The following KLF13 variants were observed in gnomAD, a reference collection of about 807,000 sequenced individuals.
The protein encoded by KLF13 is Krueppel-like factor 13.
A neutral mutation model predicts 16.7 loss-of-function variants in KLF13; 8 were observed. That is an observed-to-expected ratio of 0.48 (90% CI 0.28 to 0.87). KLF13 has a LOEUF of 0.87. Ranked by LOEUF, KLF13 falls within the 40% of genes least tolerant of loss-of-function variation. The pLI is 0.10. For missense variants in KLF13, 447 were observed against 452.2 expected, an observed-to-expected ratio of 0.99 and a Z score of 0.10; for synonymous variants, 245 against 208.4, an observed-to-expected ratio of 1.18 and a Z score of -1.51.
downstream of KLF13, among the ~76,000 whole-genome samples, chr15:31,405,212 G>A (rs1361216107): frequency 1.3e-5 from 2 of 152,188 alleles, no homozygotes; most frequent in East Asian, 3.8e-4. Flanking sequence ...TACTCTGGAG[G>A]CTGAGGCAGG....
chr15:31,387,265 T>C (rs1406189380), intron 1 of KLF13, among the ~76,000 whole-genome samples: 1 of 152,154 alleles, frequency 6.6e-6, no homozygotes, highest in African/African-American at 2.4e-5. Context: ...ATTGTTGTCT[T>C]ATTTGAAGAA....
chr15:31,344,534 G>A (rs1267269988), intron 1 of KLF13, among the ~76,000 whole-genome samples: 2 of 152,226 alleles, frequency 1.3e-5, no homozygotes, highest in South Asian at 2.1e-4. Context: ...GGCCCATGGC[G>A]AAAGGGTTCA....
chr15:31,415,408 A>G (rs1343025490), intron 1 of KLF13, among the ~76,000 whole-genome samples: 1 of 152,222 alleles, frequency 6.6e-6, no homozygotes, highest in East Asian at 1.9e-4. Context: ...ACCTCAATAA[A>G]TTTAACAGAA....
chr15:31,390,416 T>C (rs997848122), upstream of KLF13, among the ~76,000 whole-genome samples: 20 of 152,204 alleles, frequency 1.3e-4, no homozygotes, highest in African/African-American at 4.1e-4. Context: ...TTTGGCCTAG[T>C]ATAGAAAACA....
intron 1 of KLF13, among the ~76,000 whole-genome samples, chr15:31,414,344 A>G (rs2040231404): frequency 6.6e-6 from 1 of 152,202 alleles, no homozygotes; most frequent in South Asian, 2.1e-4. Context: ...GTAAGACAAA[A>G]ATAAAATAGA....
At chr15:31,405,360 C>T (rs189756777), downstream of KLF13, among the ~76,000 whole-genome samples, 1 of 152,348 alleles carries the variant, frequency 6.6e-6, no homozygotes, top group Admixed American at 6.5e-5. Context: ...AGAACCCCCT[C>T]TCCTCTTCTG....
In KLF13 at chr15:31,352,365, C is replaced by T. The variant is rs140779940; in HGVS notation, c.578-19645C>T. Among the ~76,000 whole-genome samples the T allele has an allele frequency of 2.6e-3, 393 of 152,360 alleles. 3 individuals are homozygous for T. Among genetic ancestry groups the T allele is most frequent in the African/African-American group, 8.8e-3 (364 of 41,592 alleles). On this transcript the variant is annotated intron_variant, in intron 1 of 1. Transcript: ENST00000307145. ...AGTCCCAGTGTCTGCCCTACAGGCT[C>T]CCTTGGTCCCGCTCAGAATGCACAG...
intron 1 of KLF13, among the ~76,000 whole-genome samples, chr15:31,328,860 ACACT>A (rs2038773419): frequency 6.6e-6 from 1 of 152,176 alleles, no homozygotes; most frequent in Admixed American, 6.5e-5. Context: ...TTCTTCTGTG[ACACT>A]CACCTCTTCT....
At chr15:31,363,648 G>A (rs781107945) in intron 1 of KLF13, among the ~76,000 whole-genome samples, 14 of 151,938 alleles carry the variant, frequency 9.2e-5, no homozygotes, top group Non-Finnish European at 1.6e-4. Flanking sequence ...CACCACGCCC[G>A]GCTGATTTTG....
At chr15:31,371,218 C>T (rs1409738572) in intron 1 of KLF13, among the ~76,000 whole-genome samples, 1 of 152,158 alleles carries the variant, frequency 6.6e-6, no homozygotes, top group Non-Finnish European at 1.5e-5. Context: ...TCTCCCGCTC[C>T]GAGTGAGGGA....
upstream of KLF13, among the ~76,000 whole-genome samples, chr15:31,388,257 T>C (rs143183553): frequency 5.6e-4 from 86 of 152,310 alleles, no homozygotes; most frequent in East Asian, 0.016. Flanking sequence ...GAATGCATGC[T>C]CTGTGTACAG....
At chr15:31,346,172 ACT>A (rs2039113154) in intron 1 of KLF13, among the ~76,000 whole-genome samples, 2 of 151,110 alleles carry the variant, frequency 1.3e-5, no homozygotes, top group Admixed American at 6.6e-5. Context: ...AATGATCTTG[ACT>A]CTGTTTCTGG....
chr15:31,336,772 T>G (rs1472780236), intron 1 of KLF13, among the ~76,000 whole-genome samples: 1 of 152,110 alleles, frequency 6.6e-6, no homozygotes, highest in East Asian at 1.9e-4. Context: ...CAGCAGGTCA[T>G]TGGTCTCGGG....
chr15:31,327,528 ACCT>A lies in KLF13; in HGVS notation c.319_321del (p.Ser107del). The A allele has an allele frequency of 2.7e-6, 3 of 1,100,060 alleles. No individual in the cohort carries two copies. The African/African-American group carries it at 5.2e-5, about 19-fold the overall frequency. 68.1% of individuals were successfully genotyped at this position (1,100,060 alleles called of 1,614,324 possible). A position where few individuals can be genotyped will look rare whatever the true frequency, so the allele number is the denominator to read the frequency against. The stretch of plus-strand genomic sequence containing the variant: ...CCTGCCGCCGCCCGCCCCCGAGCCC[ACCT>A]CCCCCGGCGCCGAAGGCGCGGCGGC... On this transcript the variant is annotated inframe_deletion, in exon 1 of 2. Transcript: ENST00000307145.
At chr15:31,405,974 A>G (rs1318529614), downstream of KLF13, among the ~76,000 whole-genome samples, 2 of 152,260 alleles carry the variant, frequency 1.3e-5, no homozygotes, top group Non-Finnish European at 2.9e-5. Flanking sequence ...TGTTGCATCC[A>G]CAAAACAAGA....
At chr15:31,431,720 T>A (rs1566852560) in intron 1 of KLF13, among the ~76,000 whole-genome samples, 1 of 152,180 alleles carries the variant, frequency 6.6e-6, no homozygotes, top group Non-Finnish European at 1.5e-5. Context: ...CGCCTCGGCC[T>A]CCCAAAGTGC....
At chr15:31,415,168 A>T (rs2040240632) in intron 1 of KLF13, among the ~76,000 whole-genome samples, 1 of 152,296 alleles carries the variant, frequency 6.6e-6, no homozygotes, top group South Asian at 2.1e-4. Context: ...GAGTGAAAGC[A>T]GCCTATAGCT....
chr15:31,383,929 TAA>T (rs71422887), intron 1 of KLF13, among the ~76,000 whole-genome samples: 31 of 151,680 alleles, frequency 2.0e-4, no homozygotes, highest in African/African-American at 7.0e-4. Flanking sequence ...ATAAATAAAA[TAA>T]AATAAAAATA....
chr15:31,334,875 C>T (rs1595452291), intron 1 of KLF13, among the ~76,000 whole-genome samples: 1 of 152,196 alleles, frequency 6.6e-6, no homozygotes, highest in Non-Finnish European at 1.5e-5. Context: ...AGACAGCCAC[C>T]AGTGCAGTCC....
Sources: gnomAD v4.1 joint callset for allele counts (sites outside exome capture counted in the v4.1 genomes callset) on GRCh38, gnomAD v4.1.1 for gene constraint, MANE v1.5 for transcripts, NCBI Gene and HGNC (gene_info 2026-07-23, HGNC 2026-07-21) for gene names.